FNBP1: variants seen among roughly 807,000 people sequenced by gnomAD.
FNBP1 encodes formin-binding protein 1.
FNBP1 carries 26 observed loss-of-function variants against 90.6 expected under a neutral mutation model. That is an observed-to-expected ratio of 0.29 (90% CI 0.21 to 0.40). The LOEUF is 0.40. Among genes scored for constraint, FNBP1 ranks in the 10% least tolerant of loss-of-function variants. The pLI is 1.00. For missense variants in FNBP1, 635 were observed against 768.0 expected, an observed-to-expected ratio of 0.83 and a Z score of 2.05; for synonymous variants, 260 against 265.2, an observed-to-expected ratio of 0.98 and a Z score of 0.19.
At chr9:129,981,317 G>C (rs1447325578) in intron 2 of FNBP1, among the ~76,000 whole-genome samples, 3 of 152,062 alleles carry the variant, frequency 2.0e-5, no homozygotes, top group African/African-American at 7.2e-5. Context: ...TCAAACTCCT[G>C]AGCTCAGGTG....
rs538965788 is a variant in FNBP1, at chr9:129,918,415, C to T, written c.1171-2435G>A. ...ATTTCATTAAGTGCATTGCTAGACACCTGAAGAATTAAAAAGCTGTCAGTT... is the reference window on the plus strand; with the variant it reads ...ATTTCATTAAGTGCATTGCTAGACATCTGAAGAATTAAAAAGCTGTCAGTT... On this transcript the variant is annotated intron_variant, in intron 10 of 16. Coordinates refer to ENST00000446176, the MANE Select transcript of FNBP1 (RefSeq NM_015033.3). Among the ~76,000 whole-genome samples, 4 of 152,250 alleles carry T rather than the reference C, an allele frequency of 2.6e-5. No homozygotes were observed. The South Asian group carries it at 8.3e-4, about 32-fold the overall frequency.
At chr9:129,995,929 A>T (rs2053923123) in intron 1 of FNBP1, among the ~76,000 whole-genome samples, 1 of 152,230 alleles carries the variant, frequency 6.6e-6, no homozygotes, top group African/African-American at 2.4e-5. Flanking sequence ...AAATGGCTCC[A>T]ACAGTCTAGA....
In FNBP1 at chr9:129,890,429, G is replaced by A; in HGVS notation, c.*110C>T. The A allele has an allele frequency of 1.2e-6, 1 of 864,152 alleles. No individual in the cohort carries two copies. 53.5% of individuals were successfully genotyped at this position (864,152 alleles called of 1,614,324 possible). On this transcript the variant is annotated 3_prime_UTR_variant, in exon 17 of 17. Transcript: ENST00000446176. The surrounding 1 kb of genome is among the most constrained non-coding windows in gnomAD (Gnocchi z 5.8). ...AGAGAGAGACCGCCCCGCAGGGATG[G>A]GGCTGCGGAGGGGTGGGCTGTCCAC...
intron 1 of FNBP1, among the ~76,000 whole-genome samples, chr9:129,996,283 C>G (rs1046252872): frequency 6.6e-6 from 1 of 152,092 alleles, no homozygotes. Context: ...CCAAAGACGA[C>G]AGCAAGGATA....
chr9:130,018,070 C>T (rs146405403), intron 1 of FNBP1, among the ~76,000 whole-genome samples: 3,438 of 150,926 alleles, frequency 0.023, 131 homozygotes, highest in African/African-American at 0.08. Flanking sequence ...CCTGCCACCA[C>T]GCCTGGCTAA....
chr9:129,970,405 C>G (rs1032868875), intron 4 of FNBP1, among the ~76,000 whole-genome samples: 5 of 151,944 alleles, frequency 3.3e-5, no homozygotes. Context: ...GGGGTTTCAC[C>G]ATGTTGGCCA....
intron 1 of FNBP1, among the ~76,000 whole-genome samples, chr9:130,015,692 G>A (rs2131784588): frequency 6.6e-6 from 1 of 152,184 alleles, no homozygotes; most frequent in South Asian, 2.1e-4. Flanking sequence ...GTTTTGTTTT[G>A]GAGATAGGGT....
chr9:129,927,100 C>T, intron 8 of FNBP1, 95 bp downstream of exon 8: 1 of 1,270,544 alleles, frequency 7.9e-7, no homozygotes, highest in Non-Finnish European at 1.1e-6. Flanking sequence ...AACCATCCAC[C>T]ATGAGATGAT....
At chr9:130,009,653 T>C (rs2056279311) in intron 1 of FNBP1, among the ~76,000 whole-genome samples, 1 of 152,006 alleles carries the variant, frequency 6.6e-6, no homozygotes, top group Admixed American at 6.6e-5. Flanking sequence ...AATACAAAAA[T>C]TAGCTGGGTG....
intron 1 of FNBP1, among the ~76,000 whole-genome samples, chr9:130,029,760 G>A (rs1028886005): frequency 6.6e-6 from 1 of 152,126 alleles, no homozygotes; most frequent in Middle Eastern, 3.4e-3. Context: ...AAGGCAGGGG[G>A]ATCGCTTGGA....
chr9:129,914,758 T>TATATATATAC (rs2039971053), intron 11 of FNBP1, among the ~76,000 whole-genome samples: 1 of 54,056 alleles, frequency 1.8e-5, no homozygotes, highest in Non-Finnish European at 3.2e-5. Flanking sequence ...TACATATGTC[T>TATATATATAC]ATATATATAT....
chr9:130,043,208 C>T, upstream of FNBP1: 1 of 355,250 alleles, frequency 2.8e-6, no homozygotes, highest in Non-Finnish European at 5.0e-6. Context: ...CAGCGCCCGC[C>T]CGCCCTACAC....
At chr9:129,979,842 C>G (rs2050915557) in intron 2 of FNBP1, among the ~76,000 whole-genome samples, 1 of 151,644 alleles carries the variant, frequency 6.6e-6, no homozygotes. Flanking sequence ...GGGGTGTCAT[C>G]ATGTTGGTCA....
chr9:129,925,760 A>C (rs1251617848), intron 8 of FNBP1, among the ~76,000 whole-genome samples: 1 of 149,542 alleles, frequency 6.7e-6, no homozygotes, highest in African/African-American at 2.5e-5. Context: ...TGCCTAGCTA[A>C]TTTTTGTATT....
chr9:130,003,155 T>C lies in FNBP1; in HGVS notation c.25-8197A>G, dbSNP rs144691678. On this transcript the variant is annotated intron_variant, in intron 1 of 16. Coordinates refer to ENST00000446176, the MANE Select transcript of FNBP1 (RefSeq NM_015033.3). The stretch of plus-strand genomic sequence containing the variant: ...AAAAAAAATCTTGCCCTCACAAATC[T>C]GTAATAAAAACCCAAAAATTGGCTG... Among the ~76,000 whole-genome samples the C allele has an allele frequency of 9.3e-3, 1,409 of 151,854 alleles. 16 individuals are homozygous for C. The highest frequency in any genetic ancestry group is 0.026 in the African/African-American group (1,075 of 41,426).
Position 129,889,933 on chromosome 9 carries a change from A to G in FNBP1, c.*606T>C. On this transcript the variant is annotated 3_prime_UTR_variant, in exon 17 of 17. Coordinates refer to ENST00000446176, the MANE Select transcript of FNBP1 (RefSeq NM_015033.3). ...GTGTACCTGCCCCCCTGCCTGCCAG[A>G]TGCTCCCAGGTTGAGGGCATAGTGA... 4.2e-6 allele frequency: 1 copy of G among 236,738 alleles called. No individual in the cohort carries two copies. Among genetic ancestry groups the G allele is most frequent in the Non-Finnish European group, 8.3e-6 (1 of 120,252 alleles). The allele number at this position is 236,738 out of a possible 1,614,324, so 14.7% of individuals were successfully genotyped here.
At chr9:129,927,612 T>C (rs1230818275) in intron 7 of FNBP1, among the ~76,000 whole-genome samples, 2 of 152,140 alleles carry the variant, frequency 1.3e-5, no homozygotes, top group African/African-American at 4.8e-5. Flanking sequence ...TTTTTGTTTT[T>C]CTTTTTGTTT....
At chr9:129,954,060 T>C (rs2046568043) in intron 6 of FNBP1, among the ~76,000 whole-genome samples, 1 of 151,602 alleles carries the variant, frequency 6.6e-6, no homozygotes, top group Admixed American at 6.6e-5. Context: ...AATAATTTCT[T>C]AAAAAACGTA....
chr9:129,999,994 A>T (rs897386623), intron 1 of FNBP1, among the ~76,000 whole-genome samples: 1 of 152,226 alleles, frequency 6.6e-6, no homozygotes, highest in Non-Finnish European at 1.5e-5. Flanking sequence ...GGCCCTTTTT[A>T]GATCAGTGCA....
Sources: gnomAD v4.1 joint callset for allele counts (sites outside exome capture counted in the v4.1 genomes callset) on GRCh38, gnomAD v4.1.1 for gene constraint, Gnocchi (gnomAD v3.1) non-coding constraint, MANE v1.5 for transcripts, NCBI Gene and HGNC (gene_info 2026-07-23, HGNC 2026-07-21) for gene names.